RBM41: variants seen among roughly 807,000 people sequenced by gnomAD.
The protein encoded by RBM41 is RNA binding motif protein 41, also known as RNA-binding protein 41.
In RBM41, 14 loss-of-function variants were observed where a neutral mutation model predicts 30.8. The ratio of observed to expected loss-of-function variants is 0.45; its 90% CI spans 0.30 to 0.71. The LOEUF (loss-of-function observed/expected upper bound fraction) is 0.71. Ranked by LOEUF, RBM41 falls within the 30% of genes least tolerant of loss-of-function variation. RBM41 has a pLI of 0.08. For synonymous variants in RBM41, 120 were observed against 110.1 expected, an observed-to-expected ratio of 1.09 and a Z score of -0.56; for missense variants, 276 against 326.3, an observed-to-expected ratio of 0.85 and a Z score of 1.19.
At chrX:107,087,533 CAT>C (rs1190202751) in intron 6 of RBM41, among the ~76,000 whole-genome samples, 1 of 110,675 alleles carries the variant, frequency 9.0e-6, no homozygotes, top group Non-Finnish European at 1.9e-5. Context: ...CCAGATGTAA[CAT>C]ATAACATGAA....
Position 107,066,129 on chromosome X carries a change from T to C in RBM41, c.*1398A>G, listed in dbSNP as rs1935827367. On this transcript the variant is annotated 3_prime_UTR_variant, in exon 8 of 8. Coordinates refer to ENST00000685964, the MANE Select transcript of RBM41 (RefSeq NM_001324242.2). Reference sequence around the variant, plus strand: ...TTGACAGTTATTTTCTTTGAACACTTTGAATGTGTTATTCCACTGCCACTG... The same window carrying C: ...TTGACAGTTATTTTCTTTGAACACTCTGAATGTGTTATTCCACTGCCACTG... Among the ~76,000 whole-genome samples, 1 of 112,250 alleles carries C rather than the reference T, an allele frequency of 8.9e-6. No homozygotes were observed. The highest frequency in any genetic ancestry group is 1.9e-5 in the Non-Finnish European group (1 of 53,206).
chrX:107,115,699 C>A, intron 3 of RBM41, 143 bp from the exon 4 acceptor site: 1 of 873,566 alleles, frequency 1.1e-6, no homozygotes. Flanking sequence ...AGAACAGCTT[C>A]TCTTTTACCA....
Position 107,069,402 on chromosome X carries a change from C to T in RBM41, c.1000G>A (p.Val334Ile), listed in dbSNP as rs775339228. The change falls in exon 7 of 8, where the codon GTA (valine) becomes ATA (isoleucine). Residue 334 changes from valine to isoleucine, a missense_variant and splice_region_variant. Val to Ile is a conservative substitution (Grantham distance 29). Transcript: ENST00000685964. Reference protein sequence around the residue: ...SSYNPGEPNKVLYLKNLSPRV... With the variant: ...SSYNPGEPNKILYLKNLSPRV... Reference sequence around the variant, plus strand: ...GGGCTAAGGTTCTTCAGGTATAATACCTAAAACAAATTGAGGATCAACCAA... The same window carrying T: ...GGGCTAAGGTTCTTCAGGTATAATATCTAAAACAAATTGAGGATCAACCAA... 3 of 1,187,390 alleles carry T rather than the reference C, an allele frequency of 2.5e-6. No homozygotes were observed. The highest frequency in any genetic ancestry group is 3.4e-6 in the Non-Finnish European group (3 of 884,338).
At chrX:107,098,183 T>G (rs1923146323) in intron 5 of RBM41, among the ~76,000 whole-genome samples, 1 of 111,999 alleles carries the variant, frequency 8.9e-6, no homozygotes, top group East Asian at 2.8e-4. Flanking sequence ...GGTACCATGT[T>G]CACATTTGAA....
chrX:107,072,036 A>G (rs181144945), intron 6 of RBM41, among the ~76,000 whole-genome samples: 210 of 111,718 alleles, frequency 1.9e-3, no homozygotes, highest in African/African-American at 6.5e-3. Context: ...CATCAGTAGA[A>G]TGGGGAAAAG....
chrX:107,052,544 G>A, the RBM41 span, among the ~76,000 whole-genome samples: 1 of 111,103 alleles, frequency 9.0e-6, no homozygotes, highest in Non-Finnish European at 1.9e-5. Context: ...GGTAGGGGTT[G>A]TGCAGTTGAG....
the RBM41 span, among the ~76,000 whole-genome samples, chrX:107,056,628 C>G: frequency 7.2e-5 from 8 of 111,136 alleles, no homozygotes; most frequent in Non-Finnish European, 1.5e-4. Flanking sequence ...AGGAATTTGT[C>G]CATTTCATCC....
intron 5 of RBM41, among the ~76,000 whole-genome samples, chrX:107,089,935 G>A (rs758542368): frequency 4.5e-5 from 5 of 111,479 alleles, no homozygotes; most frequent in African/African-American, 1.3e-4. Flanking sequence ...TTTCTTTTAC[G>A]CTTATTATCC....
At chrX:107,116,389 G>A in intron 2 of RBM41, 1 of 610,700 alleles carries the variant, frequency 1.6e-6, no homozygotes, top group Non-Finnish European at 2.2e-6. Flanking sequence ...AACAGGCAAT[G>A]ATAATATTGG....
At chrX:107,074,973 C>T (rs773441758) in intron 6 of RBM41, among the ~76,000 whole-genome samples, 6 of 111,661 alleles carry the variant, frequency 5.4e-5, no homozygotes, top group Non-Finnish European at 1.1e-4. Context: ...TGGGAAAGAA[C>T]AAAGCTAGAG....
downstream of RBM41, among the ~76,000 whole-genome samples, chrX:107,059,151 C>T (rs1360239354): frequency 9.0e-6 from 1 of 111,542 alleles, no homozygotes; most frequent in Non-Finnish European, 1.9e-5. Flanking sequence ...GCATTAACCC[C>T]ATCCTGAGGC....
At chrX:107,085,643 T>C (rs768352450) in intron 6 of RBM41, among the ~76,000 whole-genome samples, 2 of 111,962 alleles carry the variant, frequency 1.8e-5, no homozygotes, top group Non-Finnish European at 3.8e-5. Flanking sequence ...TATCATAGTA[T>C]AGATTTATTT....
At chrX:107,076,364 TA>T (rs1556002740) in intron 6 of RBM41, among the ~76,000 whole-genome samples, 1 of 103,880 alleles carries the variant, frequency 9.6e-6, no homozygotes, top group Admixed American at 1.0e-4. Flanking sequence ...AATAAATAAA[TA>T]AAATACAATG....
chrX:107,070,278 G>A (rs6622143), intron 6 of RBM41: 82,092 of 329,046 alleles, frequency 0.25, 8,181 homozygotes, highest in East Asian at 0.48. Context: ...GGCTGAAGAT[G>A]TGAACACTGT....
intron 5 of RBM41, among the ~76,000 whole-genome samples, chrX:107,098,158 T>C (rs1923144927): frequency 9.0e-6 from 1 of 111,570 alleles, no homozygotes; most frequent in Admixed American, 9.5e-5. Context: ...TAAAGGATAA[T>C]TAAATTAATG....
intron 5 of RBM41, among the ~76,000 whole-genome samples, chrX:107,093,553 C>T (rs1384688916): frequency 1.8e-5 from 2 of 111,529 alleles, no homozygotes; most frequent in African/African-American, 6.5e-5. Context: ...AATGAAAACA[C>T]AACATATCAA....
intron 6 of RBM41, among the ~76,000 whole-genome samples, chrX:107,072,481 A>G (rs1188626043): frequency 1.8e-5 from 2 of 111,689 alleles, no homozygotes; most frequent in Non-Finnish European, 3.8e-5. Context: ...ACTACAAAAC[A>G]CTGATGAAAG....
At chrX:107,117,186 A>G (rs1169097568) in intron 1 of RBM41, among the ~76,000 whole-genome samples, 2 of 112,400 alleles carry the variant, frequency 1.8e-5, no homozygotes, top group African/African-American at 6.5e-5. Flanking sequence ...GGTACTTTTA[A>G]GCTGACATTC....
chrX:107,114,457 C>T, intron 4 of RBM41: 1 of 111,953 alleles, frequency 8.9e-6, no homozygotes, highest in Non-Finnish European at 1.9e-5. Context: ...TTTTAGCTAC[C>T]TTTCTAACCT....
Sources: allele counts gnomAD v4.1 joint callset (sites outside exome capture counted in the v4.1 genomes callset), GRCh38; gene constraint gnomAD v4.1.1; transcripts MANE v1.5; gene names NCBI Gene and HGNC (gene_info 2026-07-23, HGNC 2026-07-21).